PEX14: variants seen among roughly 807,000 people sequenced by gnomAD.
The protein encoded by PEX14 is peroxisomal membrane protein PEX14.
In PEX14, 15 loss-of-function variants were observed where a neutral mutation model predicts 49.5. The observed-to-expected ratio is 0.30, with a 90% CI of 0.20 to 0.47. The LOEUF (loss-of-function observed/expected upper bound fraction) is 0.47. Among genes scored for constraint, PEX14 ranks in the 20% least tolerant of loss-of-function variants. The pLI is 1.00. For synonymous variants in PEX14, 210 were observed against 212.7 expected (o/e 0.99, Z 0.11); for missense variants, 398 against 494.8 (o/e 0.80, Z 1.86).
At chr1:10,533,878 A>G (rs1638721057) in intron 2 of PEX14, among the ~76,000 whole-genome samples, 1 of 152,212 alleles carries the variant, frequency 6.6e-6, no homozygotes, top group Non-Finnish European at 1.5e-5. Context: ...TTTAAAAAAA[A>G]TTGATGGAAT....
chr1:10,552,730 A>G (rs745654301), intron 3 of PEX14, among the ~76,000 whole-genome samples: 1 of 152,222 alleles, frequency 6.6e-6, no homozygotes, highest in Non-Finnish European at 1.5e-5. Context: ...AAAATATTAT[A>G]GGTGCTATAA....
intron 1 of PEX14, among the ~76,000 whole-genome samples, chr1:10,487,887 T>A (rs912959542): frequency 6.6e-6 from 1 of 152,134 alleles, no homozygotes; most frequent in African/African-American, 2.4e-5. Flanking sequence ...TTCAAGGGAT[T>A]CTTCTGCCTC....
At chr1:10,492,681 A>T (rs1641492133) in intron 1 of PEX14, among the ~76,000 whole-genome samples, 1 of 152,226 alleles carries the variant, frequency 6.6e-6, no homozygotes, top group Non-Finnish European at 1.5e-5. Context: ...TAAATAATCC[A>T]TTCAGCTGAG....
intron 3 of PEX14, among the ~76,000 whole-genome samples, chr1:10,579,811 C>T (rs1170171016): frequency 6.6e-6 from 1 of 152,002 alleles, no homozygotes; most frequent in African/African-American, 2.4e-5. Context: ...TTGGCCAGCT[C>T]CTTTACTGCA....
At chr1:10,559,954 C>T (rs926318301) in intron 3 of PEX14, among the ~76,000 whole-genome samples, 4 of 152,144 alleles carry the variant, frequency 2.6e-5, no homozygotes, top group African/African-American at 7.2e-5. Flanking sequence ...GTTCTGCTTT[C>T]GGCGTGTGTC....
rs1278401924 is a variant in PEX14 at position 10,613,156 on chromosome 1, A to G, written c.299-5176A>G. On this transcript the variant is annotated intron_variant, in intron 4 of 8. Coordinates refer to ENST00000356607, the MANE Select transcript of PEX14 (RefSeq NM_004565.3). This position sits in a 1 kb window ranked among gnomAD's most constrained non-coding sequence, Gnocchi z 5.0. Reference sequence around the variant, plus strand: ...TGCTCAGCAAGGTTTCAGGCTCAACATTGCCGTGTTGTATGCACAAGTCCT... The same window carrying G: ...TGCTCAGCAAGGTTTCAGGCTCAACGTTGCCGTGTTGTATGCACAAGTCCT... Among the ~76,000 whole-genome samples the G allele has an allele frequency of 6.6e-6, 1 of 152,102 alleles. No individual in the cohort carries two copies. Among genetic ancestry groups the G allele is most frequent in the Non-Finnish European group, 1.5e-5 (1 of 68,016 alleles).
chr1:10,477,214 G>T (rs1013197185), intron 1 of PEX14, among the ~76,000 whole-genome samples: 4 of 152,054 alleles, frequency 2.6e-5, no homozygotes, highest in African/African-American at 9.7e-5. Context: ...GGGACTACAG[G>T]CGCCCGCCAC....
rs949748974 is a variant in PEX14 at position 10,512,739 on chromosome 1, G to A, written c.84+17418G>A. 7.3e-5 allele frequency among the ~76,000 whole-genome samples: 11 copies of A among 150,430 alleles called. No individual in the cohort carries two copies. The highest frequency in any genetic ancestry group is 1.3e-4 in the Non-Finnish European group (9 of 67,704). ...TTTTATGATGGAGTCTTGCTCTGTC[G>A]CCAGGCTGGAGTGCAGTGGCGTGAT... On this transcript the variant is annotated intron_variant, in intron 2 of 8. Transcript: ENST00000356607. This position sits in a 1 kb window ranked among gnomAD's most constrained non-coding sequence, Gnocchi z 4.6.
chr1:10,628,022 G>A lies in PEX14; in HGVS notation c.677+659G>A, dbSNP rs1258831577. Among the ~76,000 whole-genome samples the A allele has an allele frequency of 1.3e-5, 2 of 152,092 alleles. No individual in the cohort carries two copies. The highest frequency in any genetic ancestry group is 2.1e-4 in the South Asian group (1 of 4,818). On this transcript the variant is annotated intron_variant, in intron 8 of 8. Coordinates refer to ENST00000356607, the MANE Select transcript of PEX14 (RefSeq NM_004565.3). The surrounding 1 kb of genome is among the most constrained non-coding windows in gnomAD (Gnocchi z 4.5). ...ACGATCTCGGCTCACTGCAACCTCT[G>A]CCTCCCGGGTTCACGCCATTCTCCT... is the stretch of plus-strand genomic sequence containing the variant.
chr1:10,559,347 T>C (rs1334215642), intron 3 of PEX14, among the ~76,000 whole-genome samples: 2 of 152,196 alleles, frequency 1.3e-5, no homozygotes, highest in Non-Finnish European at 2.9e-5. Flanking sequence ...TTATTTTTAG[T>C]TTTTCACCTA....
chr1:10,583,140 G>A (rs12038548), intron 3 of PEX14, among the ~76,000 whole-genome samples: 22,639 of 151,738 alleles, frequency 0.15, 1,830 homozygotes, highest in East Asian at 0.25. Context: ...ATTTTTCTCC[G>A]TACCCCTCCG....
chr1:10,577,851 C>G (rs777663873), intron 3 of PEX14, among the ~76,000 whole-genome samples: 3 of 150,574 alleles, frequency 2.0e-5, no homozygotes, highest in African/African-American at 4.9e-5. Context: ...TCTGCTATAC[C>G]CAGCCTGGAC....
chr1:10,530,270 A>G (rs1373969554), intron 2 of PEX14, among the ~76,000 whole-genome samples: 1 of 152,266 alleles, frequency 6.6e-6, no homozygotes, highest in African/African-American at 2.4e-5. Flanking sequence ...AAAGAGGAAA[A>G]TGAATAGGTG....
intron 3 of PEX14, among the ~76,000 whole-genome samples, chr1:10,552,958 C>A (rs767874113): frequency 6.6e-6 from 1 of 152,028 alleles, no homozygotes; most frequent in African/African-American, 2.4e-5. Flanking sequence ...GGCGAGAGAT[C>A]GAGGAGACAG....
In PEX14 at chr1:10,577,579, T is replaced by A. The variant is rs1367222680; in HGVS notation, c.170-21659T>A. On this transcript the variant is annotated intron_variant, in intron 3 of 8. Transcript: ENST00000356607. ...ATATATATATTTTTTTTTTTTTTTT[T>A]TTTTTTTTTTTTTTTTTTTTTTTTT... Among the ~76,000 whole-genome samples, 89 of 14,060 alleles carry A rather than the reference T, an allele frequency of 6.3e-3. 3 individuals are homozygous for A. The highest frequency in any genetic ancestry group is 0.014 in the African/African-American group (48 of 3,528). The allele number at this position is 14,060 out of a possible 152,430, so 9.2% of individuals were successfully genotyped here. A position where few individuals can be genotyped will look rare whatever the true frequency, so the allele number is the denominator to read the frequency against.
intron 3 of PEX14, among the ~76,000 whole-genome samples, chr1:10,594,473 T>C (rs1640774631): frequency 1.3e-5 from 2 of 152,218 alleles, no homozygotes; most frequent in African/African-American, 4.8e-5. Context: ...CTGGCCCTGT[T>C]CCCGTGATCC....
chr1:10,605,275 C>T (rs1408211701), intron 4 of PEX14, among the ~76,000 whole-genome samples: 1 of 152,154 alleles, frequency 6.6e-6, no homozygotes, highest in Non-Finnish European at 1.5e-5. Context: ...CCAGCTGGTG[C>T]AGACTGCTCT....
At chr1:10,523,516 G>T (rs1638367104) in intron 2 of PEX14, among the ~76,000 whole-genome samples, 1 of 152,010 alleles carries the variant, frequency 6.6e-6, no homozygotes, top group South Asian at 2.1e-4. Context: ...AATGGCACAG[G>T]TAGGGGGTCC....
Position 10,546,934 on chromosome 1 carries a change from A to G in PEX14, c.169+10637A>G, listed in dbSNP as rs187328716. On this transcript the variant is annotated intron_variant, in intron 3 of 8. Coordinates refer to ENST00000356607, the MANE Select transcript of PEX14 (RefSeq NM_004565.3). ...AAACCAGATGGTTAGGCACTTACTC[A>G]CTTAGTGAAAAGGCTAGGAGGGTAG... 2.0e-5 allele frequency among the ~76,000 whole-genome samples: 3 copies of G among 152,242 alleles called. No homozygotes were observed. In the East Asian group the frequency reaches 5.8e-4, roughly 29 times the overall value.
Sources: allele counts gnomAD v4.1 joint callset (sites outside exome capture counted in the v4.1 genomes callset), GRCh38; gene constraint gnomAD v4.1.1; non-coding constraint Gnocchi (gnomAD v3.1); transcripts MANE v1.5; gene names NCBI Gene and HGNC (gene_info 2026-07-23, HGNC 2026-07-21).